The following TK2 variants were observed in gnomAD, a reference collection of about 807,000 sequenced individuals.
TK2 encodes the protein thymidine kinase 2, also known as thymidine kinase 2, mitochondrial.
In TK2, 35 loss-of-function variants were observed where a neutral mutation model predicts 41.9. The ratio of observed to expected loss-of-function variants is 0.84; its 90% CI spans 0.64 to 1.11. The LOEUF is 1.11. Ranked by LOEUF, TK2 falls within the 50% of genes least tolerant of loss-of-function variation. The pLI, the probability that TK2 is intolerant of heterozygous loss-of-function variation, is 0.00. For synonymous variants in TK2, 128 were observed against 129.1 expected, an observed-to-expected ratio of 0.99 and a Z score of 0.06; for missense variants, 320 against 351.1, an observed-to-expected ratio of 0.91 and a Z score of 0.71.
upstream of TK2, chr16:66,550,125 T>C (rs747437330): frequency 6.2e-7 from 1 of 1,611,976 alleles, no homozygotes; most frequent in South Asian, 1.1e-5. Flanking sequence ...GGACGACTGC[T>C]AGTCCAGCCG....
intron 8 of TK2, among the ~76,000 whole-genome samples, chr16:66,516,089 TA>T (rs1346560281): frequency 5.0e-5 from 7 of 140,142 alleles, no homozygotes; most frequent in Admixed American, 2.3e-4. Context: ...GACCCAATCT[TA>T]AAAAGCTCAC....
At chr16:66,536,379 A>G (rs952877669) in intron 4 of TK2, among the ~76,000 whole-genome samples, 6 of 152,166 alleles carry the variant, frequency 3.9e-5, no homozygotes, top group Non-Finnish European at 7.3e-5. Flanking sequence ...TCTCTCTTGC[A>G]GGACCCAGAT....
chr16:66,520,372 C>T (rs1428559298), intron 6 of TK2, among the ~76,000 whole-genome samples: 3 of 152,118 alleles, frequency 2.0e-5, no homozygotes, highest in Non-Finnish European at 4.4e-5. Context: ...GAAACCTCAC[C>T]CCACCCCAAG....
chr16:66,514,561 T>A lies in TK2; in HGVS notation c.619-750A>T, dbSNP rs58041262. On this transcript the variant is annotated intron_variant, in intron 8 of 9. Coordinates refer to ENST00000544898, the MANE Select transcript of TK2 (RefSeq NM_004614.5). The surrounding 1 kb of genome is among the most constrained non-coding windows in gnomAD (Gnocchi z 4.2). ...GCCACCCCGTCTAGGAAGTGAGGAG[T>A]GTCTCTGCCTGGCCGCCCATCGTCT... Among the ~76,000 whole-genome samples, 472 of 151,500 alleles carry A rather than the reference T, an allele frequency of 3.1e-3. 2 individuals carry two copies. The highest frequency in any genetic ancestry group is 0.011 in the African/African-American group (445 of 41,240).
chr16:66,528,126 G>A (rs775009154), intron 6 of TK2, among the ~76,000 whole-genome samples: 5 of 152,104 alleles, frequency 3.3e-5, no homozygotes, highest in East Asian at 1.9e-4. Flanking sequence ...GAGACAGGGT[G>A]GCATTTAGGA....
chr16:66,547,877 C>A (rs769672322), intron 2 of TK2: 1 of 1,241,508 alleles, frequency 8.1e-7, no homozygotes, highest in Non-Finnish European at 1.0e-6. Context: ...TGTCTGGGGG[C>A]ACATCAAACC....
chr16:66,513,858 C>T (rs765564350), intron 8 of TK2, 47 bp from the exon 9 acceptor site: 3 of 1,551,672 alleles, frequency 1.9e-6, no homozygotes, highest in African/African-American at 1.4e-5. Flanking sequence ...CAGAGCAGAC[C>T]CCACCTACCA....
intron 6 of TK2, among the ~76,000 whole-genome samples, chr16:66,528,406 C>G (rs1011485481): frequency 2.0e-5 from 3 of 152,170 alleles, no homozygotes; most frequent in Admixed American, 2.0e-4. Context: ...GTGAAAAACA[C>G]AACAAATGCG....
intron 2 of TK2, among the ~76,000 whole-genome samples, chr16:66,544,286 T>A (rs1248045639): frequency 6.6e-6 from 1 of 152,210 alleles, no homozygotes; most frequent in Non-Finnish European, 1.5e-5. Flanking sequence ...TTTACATTTC[T>A]TTTTAAAGTG....
chr16:66,537,130 T>C lies in TK2; in HGVS notation c.232-113A>G, dbSNP rs144705141. ...AAGGGAAAAAGAGAGAAAAAGACTATCCAAATTTGGGTGCCCAAGGTAGGC... is the reference window on the plus strand; with the variant it reads ...AAGGGAAAAAGAGAGAAAAAGACTACCCAAATTTGGGTGCCCAAGGTAGGC... On this transcript the variant is annotated intron_variant, in intron 3 of 9. Transcript: ENST00000544898. 4.2e-5 allele frequency: 63 copies of C among 1,487,600 alleles called. No individual in the cohort carries two copies. In the African/African-American group the frequency reaches 7.5e-4, roughly 18 times the overall value. 92.2% of individuals were successfully genotyped at this position (1,487,600 alleles called of 1,614,324 possible).
chr16:66,544,246 A>G (rs1441741674), intron 2 of TK2, among the ~76,000 whole-genome samples: 3 of 152,198 alleles, frequency 2.0e-5, no homozygotes, highest in Non-Finnish European at 4.4e-5. Flanking sequence ...CTGAAATGGA[A>G]GGGGGAACAG....
chr16:66,544,147 A>T (rs1350567526), intron 2 of TK2, among the ~76,000 whole-genome samples: 1 of 152,124 alleles, frequency 6.6e-6, no homozygotes, highest in Non-Finnish European at 1.5e-5. Context: ...AATCCTGAAG[A>T]GCTGGTGAAT....
intron 6 of TK2, among the ~76,000 whole-genome samples, chr16:66,528,634 G>T (rs1388906219): frequency 1.3e-5 from 2 of 152,218 alleles, no homozygotes; most frequent in African/African-American, 2.4e-5. Context: ...ACCGTGAGAA[G>T]TGGACACCTG....
In TK2 at chr16:66,513,820, G is replaced by A; in HGVS notation, c.619-9C>T. 6.2e-7 allele frequency: 1 copy of A among 1,613,804 alleles called. No individual in the cohort carries two copies. The highest frequency in any genetic ancestry group is 2.2e-5 in the East Asian group (1 of 44,860). ...ATTGCTTCCAGGTATTCCTGCCAGG[G>A]AAACACAAGCAGTCTGTCGGGAGTG... is the stretch of plus-strand genomic sequence containing the variant. On this transcript the variant is annotated splice_polypyrimidine_tract_variant and intron_variant, in intron 8 of 9. Transcript: ENST00000544898.
At chr16:66,546,804 T>G (rs1157548994) in intron 2 of TK2, among the ~76,000 whole-genome samples, 1 of 151,504 alleles carries the variant, frequency 6.6e-6, no homozygotes, top group Admixed American at 6.6e-5. Flanking sequence ...CACGATGGAG[T>G]GCAGCAATGC....
chr16:66,536,457 C>T (rs1272206614), intron 4 of TK2, among the ~76,000 whole-genome samples: 1 of 152,108 alleles, frequency 6.6e-6, no homozygotes, highest in East Asian at 1.9e-4. Flanking sequence ...AGGGACACAG[C>T]ACACTACAGC....
At chr16:66,542,050 A>G in intron 2 of TK2, 97 bp from the exon 3 acceptor site, 1 of 1,328,590 alleles carries the variant, frequency 7.5e-7, no homozygotes. Context: ...AACCAGCATA[A>G]TTGGTTCAGT....
At chr16:66,528,227 C>T (rs1361227036) in intron 6 of TK2, among the ~76,000 whole-genome samples, 2 of 152,070 alleles carry the variant, frequency 1.3e-5, no homozygotes, top group Admixed American at 6.6e-5. Flanking sequence ...CCCAAGCTCG[C>T]GGCAGGGACA....
At chr16:66,525,663 A>G (rs1454479824) in intron 6 of TK2, among the ~76,000 whole-genome samples, 1 of 152,228 alleles carries the variant, frequency 6.6e-6, no homozygotes, top group African/African-American at 2.4e-5. Flanking sequence ...CCGAGGCCAC[A>G]TGCCCACTGA....
Sources: gnomAD v4.1 joint callset for allele counts (sites outside exome capture counted in the v4.1 genomes callset) on GRCh38, gnomAD v4.1.1 for gene constraint, Gnocchi (gnomAD v3.1) non-coding constraint, MANE v1.5 for transcripts, NCBI Gene and HGNC (gene_info 2026-07-23, HGNC 2026-07-21) for gene names.